The following SNPH variants were observed in gnomAD, a reference collection of about 807,000 sequenced individuals.
The protein encoded by SNPH is syntaphilin.
A neutral mutation model predicts 36.8 loss-of-function variants in SNPH; 10 were observed. That is an observed-to-expected ratio of 0.27 (90% CI 0.17 to 0.46). SNPH has a LOEUF of 0.46. Among genes scored for constraint, SNPH ranks in the 20% least tolerant of loss-of-function variants. The pLI, the probability that SNPH is intolerant of heterozygous loss-of-function variation, is 1.00. For missense variants in SNPH, 622 were observed against 744.0 expected, an observed-to-expected ratio of 0.84 and a Z score of 1.91; for synonymous variants, 281 against 312.2, an observed-to-expected ratio of 0.90 and a Z score of 1.05.
rs530491703 is a variant in SNPH, at chr20:1,282,103, T to C, written c.-492-12848T>C. The stretch of plus-strand genomic sequence containing the variant: ...GCTAAGTGCTGGTGGTTTGATCAAG[T>C]AGAAAACCCAGCTAATAGGTATACA... On this transcript the variant is annotated intron_variant, in intron 2 of 6. Transcript: ENST00000381867. 7.2e-5 allele frequency among the ~76,000 whole-genome samples: 11 copies of C among 152,300 alleles called. No individual in the cohort carries two copies. In the South Asian group the frequency reaches 1.7e-3, roughly 23 times the overall value.
At chr20:1,283,998 C>T (rs1364521520) in intron 2 of SNPH, among the ~76,000 whole-genome samples, 1 of 152,212 alleles carries the variant, frequency 6.6e-6, no homozygotes, top group Non-Finnish European at 1.5e-5. Flanking sequence ...GCAGCACAAC[C>T]TCCCTTCGTT....
chr20:1,297,694 TGA>T (rs2088456611), intron 5 of SNPH, among the ~76,000 whole-genome samples: 1 of 152,206 alleles, frequency 6.6e-6, no homozygotes, highest in South Asian at 2.1e-4. Flanking sequence ...ATTGTTTTTC[TGA>T]GAGGGACAGC....
At chr20:1,277,657 T>G (rs975365338) in intron 2 of SNPH, among the ~76,000 whole-genome samples, 8 of 149,722 alleles carry the variant, frequency 5.3e-5, no homozygotes, top group Non-Finnish European at 8.9e-5. Flanking sequence ...TGTGTCTGTG[T>G]ATCTGTGTGT....
chr20:1,277,583 TGTGTCA>T (rs2088150121), intron 2 of SNPH, among the ~76,000 whole-genome samples: 1 of 149,454 alleles, frequency 6.7e-6, no homozygotes, highest in African/African-American at 2.5e-5. Flanking sequence ...TCTGTGTGTG[TGTGTCA>T]GTGTCTGTCT....
rs770851087 is a variant in SNPH at position 1,305,728 on chromosome 20, C to G, written c.1291C>G (p.Arg431Gly). The G allele has an allele frequency of 1.2e-6, 2 of 1,609,860 alleles. No individual in the cohort carries two copies. The highest frequency in any genetic ancestry group is 1.7e-5 in the Admixed American group (1 of 59,758). The change falls in exon 7 of 7, where the codon CGG (arginine) becomes GGG (glycine). Residue 431 changes from arginine (R) to glycine (G), a missense_variant. Around this residue, in one of 3 missense-constraint regions of SNPH, gnomAD observed 379 missense variants for 427.9 expected, o/e 0.89. Coordinates refer to ENST00000381867, the MANE Select transcript of SNPH (RefSeq NM_001318234.2). ...EPITRGPTPQ[R>G]PGANPNPGQS... ...CATCACCCGTGGACCCACCCCACAG[C>G]GGCCTGGTGCCAACCCCAACCCTGG...
rs544910092 is a variant in SNPH, at chr20:1,304,874, G to A, written c.441-4G>A. On this transcript the variant is annotated splice_polypyrimidine_tract_variant and splice_region_variant and intron_variant, in intron 6 of 6. Transcript: ENST00000381867. The surrounding 1 kb of genome is among the most constrained non-coding windows in gnomAD (Gnocchi z 4.3). ...GAGCGTGTGTGTGTCTCCTCGGCTC[G>A]CAGGGACACAGAGATTGATGACCTG... 51 of 1,611,236 alleles carry A rather than the reference G, an allele frequency of 3.2e-5. No homozygotes were observed. Among genetic ancestry groups the A allele is most frequent in the African/African-American group, 8.0e-5 (6 of 74,866 alleles).
chr20:1,266,601 T>C lies in SNPH; in HGVS notation c.-599-53T>C. The C allele has an allele frequency of 7.0e-7, 1 of 1,423,386 alleles. No individual in the cohort carries two copies. Among genetic ancestry groups the C allele is most frequent in the Non-Finnish European group, 9.1e-7 (1 of 1,093,878 alleles). The allele number at this position is 1,423,386 out of a possible 1,614,324, so 88.2% of individuals were successfully genotyped here. ...GGCCGGGGGCTCAGCTGCCTGGGTGTTCCCCGCCCGCGCTCACCCGCCCCG... is the reference window on the plus strand; with the variant it reads ...GGCCGGGGGCTCAGCTGCCTGGGTGCTCCCCGCCCGCGCTCACCCGCCCCG... On this transcript the variant is annotated intron_variant, in intron 1 of 6. Transcript: ENST00000381867. This position sits in a 1 kb window ranked among gnomAD's most constrained non-coding sequence, Gnocchi z 6.0.
At chr20:1,298,847 T>G (rs1444458556) in intron 5 of SNPH, among the ~76,000 whole-genome samples, 1 of 145,982 alleles carries the variant, frequency 6.9e-6, no homozygotes, top group Admixed American at 6.8e-5. Flanking sequence ...TGTGTGTGTA[T>G]ACATATTTTT....
intron 2 of SNPH, among the ~76,000 whole-genome samples, chr20:1,272,441 C>T (rs545049426): frequency 1.3e-5 from 2 of 152,346 alleles, no homozygotes; most frequent in South Asian, 4.1e-4. Flanking sequence ...AAAGAGGCAG[C>T]TGCTATCCTG....
intron 2 of SNPH, among the ~76,000 whole-genome samples, chr20:1,270,247 A>T (rs551568315): frequency 1.3e-4 from 20 of 152,336 alleles, no homozygotes; most frequent in Admixed American, 1.2e-3. Flanking sequence ...AGGAAAGAGT[A>T]AATTGTGAGT....
chr20:1,300,777 C>T, intron 6 of SNPH, 66 bp downstream of exon 6: 1 of 1,496,698 alleles, frequency 6.7e-7, no homozygotes, highest in Non-Finnish European at 9.0e-7. Flanking sequence ...GAAACCAGGG[C>T]TCTGGGGTGC....
At position 1,305,481 on chromosome 20, in the gene SNPH, G is replaced by A. The variant is rs547087110; in HGVS notation, c.1044G>A (p.Val348=). 7 of 1,613,244 alleles carry A rather than the reference G, an allele frequency of 4.3e-6. No homozygotes were observed. The highest frequency in any genetic ancestry group is 1.6e-4 in the Middle Eastern group (1 of 6,062). ...EKLLCGMEAG[V]QASCMQERAI... is the part of the protein sequence containing the mutation. Reference sequence around the variant, plus strand: ...TGCTGTGTGGCATGGAGGCTGGTGTGCAGGCCAGCTGCATGCAGGAGCGTG... The same window carrying A: ...TGCTGTGTGGCATGGAGGCTGGTGTACAGGCCAGCTGCATGCAGGAGCGTG... The change falls in exon 7 of 7, where the codon GTG becomes GTA. Residue 348 remains valine (V), a synonymous_variant. Coordinates refer to ENST00000381867, the MANE Select transcript of SNPH (RefSeq NM_001318234.2).
intron 2 of SNPH, among the ~76,000 whole-genome samples, chr20:1,277,871 GTCT>G (rs1266806551): frequency 1.8e-5 from 2 of 112,802 alleles, no homozygotes; most frequent in Non-Finnish European, 3.4e-5. Flanking sequence ...GTGCCTGTGT[GTCT>G]GTCTGTGCCG....
intron 2 of SNPH, among the ~76,000 whole-genome samples, chr20:1,267,875 C>A (rs1403263119): frequency 1.3e-5 from 2 of 152,212 alleles, no homozygotes; most frequent in Admixed American, 6.5e-5. Context: ...GCCTCAGTTT[C>A]TCCATCTGTA....
chr20:1,292,933 C>G (rs908519253), intron 2 of SNPH, among the ~76,000 whole-genome samples: 1 of 152,100 alleles, frequency 6.6e-6, no homozygotes, highest in East Asian at 1.9e-4. Flanking sequence ...GAATGTGTTT[C>G]TGTTTTGAAG....
At chr20:1,289,722 G>A (rs911167763) in intron 2 of SNPH, among the ~76,000 whole-genome samples, 1 of 151,738 alleles carries the variant, frequency 6.6e-6, no homozygotes, top group Non-Finnish European at 1.5e-5. Flanking sequence ...GTGGCTACTG[G>A]AAAGGCTGAG....
At chr20:1,288,858 G>T (rs1291645048) in intron 2 of SNPH, among the ~76,000 whole-genome samples, 2 of 152,104 alleles carry the variant, frequency 1.3e-5, no homozygotes, top group Non-Finnish European at 2.9e-5. Flanking sequence ...CTGACCTCAG[G>T]TGATCCGCCC....
intron 2 of SNPH, among the ~76,000 whole-genome samples, chr20:1,273,786 G>T (rs958475603): frequency 1.3e-5 from 2 of 152,056 alleles, no homozygotes; most frequent in African/African-American, 4.8e-5. Context: ...AAGATGGGAC[G>T]GAGAAAAAAA....
At chr20:1,273,835 A>T (rs545620643) in intron 2 of SNPH, among the ~76,000 whole-genome samples, 73 of 152,288 alleles carry the variant, frequency 4.8e-4, no homozygotes, top group African/African-American at 1.7e-3. Flanking sequence ...AGCATATGTT[A>T]TCCTTGTTTT....
Sources: allele counts gnomAD v4.1 joint callset (sites outside exome capture counted in the v4.1 genomes callset), GRCh38; gene constraint gnomAD v4.1.1; regional missense constraint gnomAD v4.1.1; non-coding constraint Gnocchi (gnomAD v3.1); transcripts MANE v1.5; gene names NCBI Gene and HGNC (gene_info 2026-07-23, HGNC 2026-07-21).